Variants in AP4S1 observed in about 807,000 individuals in gnomAD.
AP4S1 encodes the protein adaptor related protein complex 4 subunit sigma 1.
AP4S1 carries 23 observed loss-of-function variants against 19.8 expected under a neutral mutation model. The ratio of observed to expected loss-of-function variants is 1.16; its 90% CI spans 0.84 to 1.65. The LOEUF is 1.65. Among genes scored for constraint, AP4S1 ranks in the 40% most tolerant of loss-of-function variants. The pLI is 0.00. For missense variants in AP4S1, 166 were observed against 172.8 expected (o/e 0.96, Z 0.22); for synonymous variants, 46 against 54.1 (o/e 0.85, Z 0.66).
In AP4S1 at chr14:31,050,562, A is replaced by G. The variant is rs185616958; in HGVS notation, c.-71-15564A>G. Among the ~76,000 whole-genome samples, 10 of 152,286 alleles carry G rather than the reference A, an allele frequency of 6.6e-5. No homozygotes were observed. In the East Asian group the frequency reaches 1.9e-3, roughly 29 times the overall value. On this transcript the variant is annotated intron_variant, in intron 1 of 5. Coordinates refer to ENST00000542754, the MANE Select transcript of AP4S1 (RefSeq NM_001128126.3). ...TGGCCTCAAGCAATTCTCCCACCTC[A>G]GCCTCCCAAGTATCTGGGATTACAG...
chr14:31,026,226 A>G, intron 1 of AP4S1: 3 of 1,378,484 alleles, frequency 2.2e-6, no homozygotes, highest in Middle Eastern at 2.6e-4. Context: ...CGAGACGCCG[A>G]CAGCTGGGGG....
At chr14:31,044,348 A>T (rs1885273962) in intron 1 of AP4S1, among the ~76,000 whole-genome samples, 1 of 149,742 alleles carries the variant, frequency 6.7e-6, no homozygotes, top group Admixed American at 6.7e-5. Context: ...ATGTCTGGTA[A>T]TTTTTTTTTT....
chr14:31,056,628 G>A (rs985079092), intron 1 of AP4S1, among the ~76,000 whole-genome samples: 2 of 152,162 alleles, frequency 1.3e-5, no homozygotes, highest in African/African-American at 4.8e-5. Flanking sequence ...CAAAGTGCTG[G>A]GATTACAGGC....
chr14:31,032,736 A>G (rs1594623254), intron 1 of AP4S1, among the ~76,000 whole-genome samples: 3 of 151,976 alleles, frequency 2.0e-5, no homozygotes, highest in East Asian at 1.9e-4. Context: ...GGATTTCACT[A>G]TGTTGGCCAG....
At chr14:31,049,428 A>AAAAAATATATAT (rs1384450221) in intron 1 of AP4S1, among the ~76,000 whole-genome samples, 4 of 57,740 alleles carry the variant, frequency 6.9e-5, no homozygotes, top group African/African-American at 2.4e-4. Flanking sequence ...AAAAAAAAAA[A>AAAAAATATATAT]ATATATATAT....
intron 1 of AP4S1, among the ~76,000 whole-genome samples, chr14:31,035,877 C>T (rs1037609698): frequency 2.0e-5 from 3 of 151,882 alleles, no homozygotes; most frequent in African/African-American, 7.3e-5. Context: ...ACTACAGGTG[C>T]CCGCCACAAG....
intron 5 of AP4S1, among the ~76,000 whole-genome samples, chr14:31,088,593 A>C (rs1887984693): frequency 6.6e-6 from 1 of 152,114 alleles, no homozygotes; most frequent in Admixed American, 6.6e-5. Context: ...GGATCACCTG[A>C]GGTCAGGAGT....
At chr14:31,092,086 C>A (rs1317645482) in intron 5 of AP4S1, among the ~76,000 whole-genome samples, 1 of 152,206 alleles carries the variant, frequency 6.6e-6, no homozygotes, top group African/African-American at 2.4e-5. Context: ...CCCATACTAA[C>A]TTCCCAGTAA....
intron 4 of AP4S1, among the ~76,000 whole-genome samples, chr14:31,076,104 C>T (rs3954286): frequency 0.75 from 114,815 of 152,146 alleles, 43,813 homozygotes; most frequent in African/African-American, 0.85. Flanking sequence ...TTTTTGGCTA[C>T]TGTAAATAAT....
chr14:31,046,499 A>G (rs539770869), intron 1 of AP4S1, among the ~76,000 whole-genome samples: 1 of 152,198 alleles, frequency 6.6e-6, no homozygotes, highest in East Asian at 1.9e-4. Flanking sequence ...TGTTTTGTTC[A>G]TCTATTCATT....
intron 5 of AP4S1, among the ~76,000 whole-genome samples, chr14:31,082,116 G>T (rs530465717): frequency 6.6e-6 from 1 of 152,116 alleles, no homozygotes; most frequent in Non-Finnish European, 1.5e-5. Flanking sequence ...ATGTCACTGT[G>T]TTGACAAATT....
At chr14:31,048,457 A>C (rs1336582395) in intron 1 of AP4S1, among the ~76,000 whole-genome samples, 1 of 152,032 alleles carries the variant, frequency 6.6e-6, no homozygotes, top group Non-Finnish European at 1.5e-5. Context: ...GACCACGCAC[A>C]GTGACTCACA....
chr14:31,063,756 C>T (rs1251484601), intron 1 of AP4S1, among the ~76,000 whole-genome samples: 1 of 152,090 alleles, frequency 6.6e-6, no homozygotes, highest in Admixed American at 6.5e-5. Flanking sequence ...AATCGATGAA[C>T]TCTAAATAAA....
chr14:31,081,835 T>A (rs1206751030), intron 5 of AP4S1, among the ~76,000 whole-genome samples: 2 of 151,604 alleles, frequency 1.3e-5, no homozygotes, highest in African/African-American at 4.8e-5. Flanking sequence ...GTTCTGGGCG[T>A]AGTGTCTGAT....
chr14:31,072,909 A>G lies in AP4S1; in HGVS notation c.230A>G (p.Glu77Gly). Residue 77 changes from glutamate to glycine, a missense_variant, in exon 4 of 6, where the codon GAG becomes GGG. Glu to Gly is a moderately conservative substitution (Grantham distance 98). Transcript: ENST00000542754. ...IVVGVNDTEN[E>G]MAIYEFIHNF... ...ACCTTTCTTCTTTTATTGTAGAACG[A>G]GATGGCTATTTATGAATTCATTCAT... The G allele has an allele frequency of 6.2e-7, 1 of 1,612,794 alleles. No individual in the cohort carries two copies. The highest frequency in any genetic ancestry group is 8.5e-7 in the Non-Finnish European group (1 of 1,178,820).
At chr14:31,043,308 C>A (rs1885215378) in intron 1 of AP4S1, among the ~76,000 whole-genome samples, 1 of 151,398 alleles carries the variant, frequency 6.6e-6, no homozygotes, top group Non-Finnish European at 1.5e-5. Flanking sequence ...TGTTGAGTGA[C>A]TCAAGACTTT....
intron 5 of AP4S1, among the ~76,000 whole-genome samples, chr14:31,091,781 G>A (rs1888083220): frequency 6.6e-6 from 1 of 152,110 alleles, no homozygotes; most frequent in Admixed American, 6.5e-5. Flanking sequence ...ATTTAATTTT[G>A]AACTCCGCTA....
intron 5 of AP4S1, among the ~76,000 whole-genome samples, chr14:31,091,963 T>TTTCA (rs1263199487): frequency 6.6e-6 from 1 of 152,220 alleles, no homozygotes; most frequent in Admixed American, 6.5e-5. Flanking sequence ...GTTCCCCTTC[T>TTTCA]TTCACCAAAG....
At chr14:31,075,259 C>T (rs535789710) in intron 4 of AP4S1, among the ~76,000 whole-genome samples, 2 of 152,290 alleles carry the variant, frequency 1.3e-5, no homozygotes, top group South Asian at 4.1e-4. Flanking sequence ...TTACTTCCCA[C>T]ATGAATGAGA....
Sources: gnomAD v4.1 joint callset for allele counts (sites outside exome capture counted in the v4.1 genomes callset) on GRCh38, gnomAD v4.1.1 for gene constraint, MANE v1.5 for transcripts, NCBI Gene and HGNC (gene_info 2026-07-23, HGNC 2026-07-21) for gene names.